Variants in CCDC117 observed in about 807,000 individuals in gnomAD.
The protein encoded by CCDC117 is coiled-coil domain containing 117, also known as coiled-coil domain-containing protein 117.
In CCDC117, 1 loss-of-function variant was observed where a neutral mutation model predicts 23.5. That is an observed-to-expected ratio of 0.04 (90% CI 0.02 to 0.20). The LOEUF (loss-of-function observed/expected upper bound fraction) is 0.20. Among genes scored for constraint, CCDC117 ranks in the 10% least tolerant of loss-of-function variants. The pLI is 1.00. For missense variants in CCDC117, 383 were observed against 348.2 expected (o/e 1.10, Z -0.80); for synonymous variants, 132 against 124.8 (o/e 1.06, Z -0.39).
chr22:28,780,155 A>T (rs1180409669), intron 2 of CCDC117, among the ~76,000 whole-genome samples: 3 of 151,534 alleles, frequency 2.0e-5, no homozygotes, highest in East Asian at 1.9e-4. Context: ...GTTTCCAAAT[A>T]AAAAAAAATG....
rs895400320 is a variant in CCDC117, at chr22:28,787,605, C to T, written c.*1279C>T. ...GAATTGCTTCCTGCTAGCAGGAAGCCTTCATCTTCTTGAGTACCCAAACCA... is the reference window on the plus strand; with the variant it reads ...GAATTGCTTCCTGCTAGCAGGAAGCTTTCATCTTCTTGAGTACCCAAACCA... On this transcript the variant is annotated 3_prime_UTR_variant, in exon 5 of 5. Coordinates refer to ENST00000249064, the MANE Select transcript of CCDC117 (RefSeq NM_173510.4). The T allele has an allele frequency of 6.6e-6, 1 of 152,136 alleles. No individual in the cohort carries two copies. The highest frequency in any genetic ancestry group is 2.4e-5 in the African/African-American group (1 of 41,272). 9.4% of individuals were successfully genotyped at this position (152,136 alleles called of 1,614,324 possible). A position where few individuals can be genotyped will look rare whatever the true frequency, so the allele number is the denominator to read the frequency against.
At chr22:28,784,010 C>A (rs5752797) in intron 4 of CCDC117, among the ~76,000 whole-genome samples, 2 of 151,978 alleles carry the variant, frequency 1.3e-5, no homozygotes, top group African/African-American at 4.8e-5. Flanking sequence ...AGGAACAACA[C>A]TGCGGCCTAG....
intron 2 of CCDC117, among the ~76,000 whole-genome samples, chr22:28,779,444 G>T (rs1484632035): frequency 1.3e-5 from 2 of 151,818 alleles, no homozygotes; most frequent in African/African-American, 4.8e-5. Context: ...GCCCTCAAGT[G>T]ATCCACCTGC....
Position 28,781,861 on chromosome 22 carries a change from TG to T in CCDC117, c.464+691del, listed in dbSNP as rs1372924162. On this transcript the variant is annotated intron_variant, in intron 3 of 4. Coordinates refer to ENST00000249064, the MANE Select transcript of CCDC117 (RefSeq NM_173510.4). ...TTTCTCCATTTTGGTCAGGCTGGTC[TG>T]GAACACATGACCTCAGGTGATCCCC... Among the ~76,000 whole-genome samples, 3 of 151,696 alleles carry T rather than the reference TG, an allele frequency of 2.0e-5. No individual in the cohort carries two copies. The East Asian group carries it at 5.8e-4, about 29-fold the overall frequency.
chr22:28,774,076 T>TG (rs1277378134), intron 2 of CCDC117, among the ~76,000 whole-genome samples: 10 of 119,326 alleles, frequency 8.4e-5, no homozygotes, highest in Non-Finnish European at 1.3e-4. Context: ...TTTTGTTTTT[T>TG]TTTTTTTTTG....
intron 4 of CCDC117, among the ~76,000 whole-genome samples, chr22:28,784,863 C>T (rs565467994): frequency 4.0e-5 from 6 of 151,844 alleles, no homozygotes; most frequent in East Asian, 2.0e-4. Flanking sequence ...CTCCGCCTCC[C>T]GGGTTCACGC....
At chr22:28,774,400 G>A (rs536415560) in intron 2 of CCDC117, among the ~76,000 whole-genome samples, 1 of 147,286 alleles carries the variant, frequency 6.8e-6, no homozygotes, top group South Asian at 2.2e-4. Flanking sequence ...TTAAAGTCAG[G>A]GGCTCTGTCA....
Position 28,786,530 on chromosome 22 carries a change from AGC to A in CCDC117, c.*205_*206del. 1 of 534,952 alleles carries A rather than the reference AGC, an allele frequency of 1.9e-6. No individual in the cohort carries two copies. Among genetic ancestry groups the A allele is most frequent in the Non-Finnish European group, 3.3e-6 (1 of 302,694 alleles). 33.1% of individuals were successfully genotyped at this position (534,952 alleles called of 1,614,324 possible). On this transcript the variant is annotated 3_prime_UTR_variant, in exon 5 of 5. Coordinates refer to ENST00000249064, the MANE Select transcript of CCDC117 (RefSeq NM_173510.4). The stretch of plus-strand genomic sequence containing the variant: ...CCAAGGACGTTTGTCTCAAGGGAAA[AGC>A]AGTTTTCTGTGGGGCTTATTAAAGG...
rs2031027389 is a variant in CCDC117, at chr22:28,772,905, T to A, written c.56T>A (p.Phe19Tyr). 8.1e-7 allele frequency: 1 copy of A among 1,230,700 alleles called. No individual in the cohort carries two copies. Among genetic ancestry groups the A allele is most frequent in the African/African-American group, 1.6e-5 (1 of 64,022 alleles). The allele number at this position is 1,230,700 out of a possible 1,614,324, so 76.2% of individuals were successfully genotyped here. ...CTCCCTCTGAGCGGCGGCTCGGACT[T>A]CCTGCAGCCGCCGCAGCCGGCCTTC... ...SGLPLSGGSD[F>Y]LQPPQPAFPG... is the part of the protein sequence containing the mutation. Residue 19 changes from phenylalanine to tyrosine, a missense_variant, in exon 1 of 5, where the codon TTC (phenylalanine) becomes TAC (tyrosine). By Grantham distance (22) the Phe-to-Tyr change is conservative. Transcript: ENST00000249064.
In CCDC117 at chr22:28,786,373, G is replaced by A; in HGVS notation, c.*47G>A. On this transcript the variant is annotated 3_prime_UTR_variant, in exon 5 of 5. Transcript: ENST00000249064. The stretch of plus-strand genomic sequence containing the variant: ...TTGTCAAATGTTAGAAGAATCCTGT[G>A]TTCAGTTATGAGACTCTTTGCATAG... 7.3e-7 allele frequency: 1 copy of A among 1,367,934 alleles called. No homozygotes were observed. The highest frequency in any genetic ancestry group is 1.0e-6 in the Non-Finnish European group (1 of 965,848). The allele number at this position is 1,367,934 out of a possible 1,614,324, so 84.7% of individuals were successfully genotyped here.
chr22:28,780,811 G>GT (rs2031293342), intron 2 of CCDC117, 137 bp from the exon 3 acceptor site: 1 of 630,920 alleles, frequency 1.6e-6, no homozygotes, highest in Non-Finnish European at 2.8e-6. Flanking sequence ...AAAATACGCA[G>GT]TATTTTCCAT....
intron 2 of CCDC117, 114 bp downstream of exon 2, chr22:28,773,892 G>C (rs2031078563): frequency 2.4e-6 from 2 of 822,380 alleles, no homozygotes; most frequent in African/African-American, 1.7e-5. Flanking sequence ...TCTGGAAAGA[G>C]ACACAGAAAT....
In CCDC117 at chr22:28,788,756, T is replaced by C. The variant is rs1311840666; in HGVS notation, c.*2430T>C. 1.3e-5 allele frequency: 2 copies of C among 152,662 alleles called. No individual in the cohort carries two copies. The highest frequency in any genetic ancestry group is 2.4e-5 in the African/African-American group (1 of 41,470). 9.5% of individuals were successfully genotyped at this position (152,662 alleles called of 1,614,324 possible). A position where few individuals can be genotyped will look rare whatever the true frequency, so the allele number is the denominator to read the frequency against. ...AATGCCTCTGCTTTTTGTTTTACTT[T>C]TGTAGCATAAGGTTTTTGCTTTTGC... On this transcript the variant is annotated 3_prime_UTR_variant, in exon 5 of 5. Coordinates refer to ENST00000249064, the MANE Select transcript of CCDC117 (RefSeq NM_173510.4).
chr22:28,777,276 G>A (rs925420321), intron 2 of CCDC117, among the ~76,000 whole-genome samples: 22 of 150,320 alleles, frequency 1.5e-4, no homozygotes, highest in Admixed American at 3.3e-4. Context: ...TCGCTCGCCC[G>A]CTGGCCCTGG....
chr22:28,786,639 A>G lies in CCDC117; in HGVS notation c.*313A>G. 3.9e-6 allele frequency: 1 copy of G among 254,554 alleles called. No homozygotes were observed. Among genetic ancestry groups the G allele is most frequent in the Non-Finnish European group, 7.6e-6 (1 of 131,242 alleles). The allele number at this position is 254,554 out of a possible 1,614,324, so 15.8% of individuals were successfully genotyped here. On this transcript the variant is annotated 3_prime_UTR_variant, in exon 5 of 5. Transcript: ENST00000249064. The stretch of plus-strand genomic sequence containing the variant: ...ACTTAAATCATATGTCACATTGTCT[A>G]AACTATTCAGACACTTGGAGAATAT...
intron 2 of CCDC117, among the ~76,000 whole-genome samples, chr22:28,780,618 C>T (rs1220478037): frequency 6.6e-6 from 1 of 152,192 alleles, no homozygotes; most frequent in Non-Finnish European, 1.5e-5. Context: ...AGCCACCACA[C>T]CTAGCCAACT....
At chr22:28,780,686 T>C (rs2031290248) in intron 2 of CCDC117, among the ~76,000 whole-genome samples, 1 of 152,184 alleles carries the variant, frequency 6.6e-6, no homozygotes, top group Admixed American at 6.6e-5. Context: ...GGAATGACTT[T>C]AAGGTCCCAC....
chr22:28,782,927 C>T (rs2031395069), intron 3 of CCDC117, among the ~76,000 whole-genome samples: 1 of 152,156 alleles, frequency 6.6e-6, no homozygotes, highest in Non-Finnish European at 1.5e-5. Context: ...AGCGTTTTCA[C>T]TTACTGCCTC....
At chr22:28,773,903 T>A in intron 2 of CCDC117, 125 bp downstream of exon 2, 1 of 759,044 alleles carries the variant, frequency 1.3e-6, no homozygotes, top group Non-Finnish European at 2.3e-6. Context: ...ACACAGAAAT[T>A]AGTGACATTG....
Sources: allele counts gnomAD v4.1 joint callset (sites outside exome capture counted in the v4.1 genomes callset), GRCh38; gene constraint gnomAD v4.1.1; transcripts MANE v1.5; gene names NCBI Gene and HGNC (gene_info 2026-07-23, HGNC 2026-07-21).